The following ATXN1 variants were observed in gnomAD, a reference collection of about 807,000 sequenced individuals.
ATXN1 encodes ataxin-1.
ATXN1 carries 8 observed loss-of-function variants against 56.4 expected under a neutral mutation model. The observed-to-expected ratio is 0.14, with a 90% CI of 0.08 to 0.26. The LOEUF (loss-of-function observed/expected upper bound fraction) is 0.26. Among genes scored for constraint, ATXN1 ranks in the 10% least tolerant of loss-of-function variants. ATXN1 has a pLI of 1.00. For missense variants in ATXN1, 987 were observed against 1,106.5 expected, an observed-to-expected ratio of 0.89 and a Z score of 1.53; for synonymous variants, 514 against 494.6, an observed-to-expected ratio of 1.04 and a Z score of -0.52.
intron 6 of ATXN1, among the ~76,000 whole-genome samples, chr6:16,349,730 C>A (rs1315660950): frequency 6.6e-6 from 1 of 151,992 alleles, no homozygotes; most frequent in Non-Finnish European, 1.5e-5. Flanking sequence ...ATACTCCACA[C>A]TAGTGCACTG....
intron 6 of ATXN1, among the ~76,000 whole-genome samples, chr6:16,411,125 C>CAAAAAAAAAAAAAAAAAAAAA (rs746717153): frequency 1.2e-5 from 1 of 80,664 alleles, no homozygotes; most frequent in Non-Finnish European, 2.4e-5. Flanking sequence ...ACCTCTGTGT[C>CAAAAAAAAAAAAAAAAAAAAA]AAAAAAAAAA....
intron 3 of ATXN1, among the ~76,000 whole-genome samples, chr6:16,601,162 T>C (rs1311103287): frequency 2.0e-5 from 3 of 152,350 alleles, no homozygotes; most frequent in East Asian, 3.9e-4. Context: ...AGTTATTTCA[T>C]AGGTAACTTT....
intron 2 of ATXN1, among the ~76,000 whole-genome samples, chr6:16,706,899 T>TA (rs1425796424): frequency 6.6e-6 from 1 of 152,160 alleles, no homozygotes; most frequent in East Asian, 1.9e-4. Context: ...CTCTTCACTT[T>TA]ATCACCTCCC....
At chr6:16,497,986 A>G (rs562597002) in intron 5 of ATXN1, among the ~76,000 whole-genome samples, 1 of 152,328 alleles carries the variant, frequency 6.6e-6, no homozygotes, top group South Asian at 2.1e-4. Context: ...TTTTTTAATG[A>G]AGATAAAATT....
At chr6:16,586,312 CTCTT>C (rs1205225682) in intron 3 of ATXN1, among the ~76,000 whole-genome samples, 1 of 152,220 alleles carries the variant, frequency 6.6e-6, no homozygotes, top group African/African-American at 2.4e-5. Context: ...ATTTGATGCT[CTCTT>C]TCTCTAAGAC....
chr6:16,518,883 A>G (rs977583895), intron 5 of ATXN1, among the ~76,000 whole-genome samples: 11 of 152,216 alleles, frequency 7.2e-5, no homozygotes, highest in African/African-American at 2.7e-4. Flanking sequence ...TGCTATGGTC[A>G]GTAGCCAGAA....
chr6:16,728,653 G>A (rs1007871191), intron 2 of ATXN1, among the ~76,000 whole-genome samples: 6 of 152,166 alleles, frequency 3.9e-5, no homozygotes, highest in East Asian at 3.8e-4. Context: ...GGGGTATTAC[G>A]TATATTGATT....
intron 2 of ATXN1, among the ~76,000 whole-genome samples, chr6:16,720,540 T>C (rs1186717146): frequency 2.0e-5 from 3 of 152,230 alleles, no homozygotes; most frequent in Admixed American, 6.5e-5. Context: ...CCTGACTTGA[T>C]TAGCACCATC....
chr6:16,686,988 T>C (rs529065733), intron 2 of ATXN1, among the ~76,000 whole-genome samples: 1 of 152,176 alleles, frequency 6.6e-6, no homozygotes, highest in African/African-American at 2.4e-5. Context: ...AAGCCTTGGA[T>C]GGAATTACAA....
chr6:16,602,051 C>T (rs1056047066), intron 3 of ATXN1, among the ~76,000 whole-genome samples: 34 of 152,010 alleles, frequency 2.2e-4, no homozygotes, highest in African/African-American at 6.8e-4. Context: ...TAATATTGCC[C>T]CCATATAAGC....
chr6:16,596,795 A>T (rs1055895004), intron 3 of ATXN1, among the ~76,000 whole-genome samples: 27 of 152,214 alleles, frequency 1.8e-4, no homozygotes, highest in African/African-American at 6.0e-4. Context: ...AGATGGGTAG[A>T]AGGAGAAATC....
chr6:16,656,816 T>C (rs890659738), intron 3 of ATXN1, among the ~76,000 whole-genome samples: 5 of 152,102 alleles, frequency 3.3e-5, no homozygotes, highest in Non-Finnish European at 7.4e-5. Flanking sequence ...TACACCCTAC[T>C]ACACGCCTGC....
chr6:16,668,512 G>A (rs970528277), intron 2 of ATXN1, among the ~76,000 whole-genome samples: 1 of 152,072 alleles, frequency 6.6e-6, no homozygotes, highest in African/African-American at 2.4e-5. Context: ...TATTATTAAA[G>A]AGAACAGGAG....
chr6:16,462,369 T>C (rs549738979), intron 6 of ATXN1, among the ~76,000 whole-genome samples: 57 of 152,294 alleles, frequency 3.7e-4, no homozygotes, highest in African/African-American at 1.1e-3. Context: ...GATTTGTGTC[T>C]CCTATTTCAG....
At chr6:16,631,044 GATA>G (rs1415120667) in intron 3 of ATXN1, among the ~76,000 whole-genome samples, 1 of 152,184 alleles carries the variant, frequency 6.6e-6, no homozygotes. Context: ...GCTCTTTGTT[GATA>G]ATAATAATAA....
At chr6:16,743,129 G>A (rs1760399746) in intron 2 of ATXN1, among the ~76,000 whole-genome samples, 1 of 152,146 alleles carries the variant, frequency 6.6e-6, no homozygotes, top group South Asian at 2.1e-4. Context: ...TTTTCAATGA[G>A]GAGGAAGACA....
intron 1 of ATXN1, among the ~76,000 whole-genome samples, chr6:16,756,416 G>C (rs1027058490): frequency 6.6e-6 from 1 of 152,068 alleles, no homozygotes; most frequent in African/African-American, 2.4e-5. Flanking sequence ...CTTAGAAAAG[G>C]AAGTTCTATA....
At chr6:16,420,721 G>A (rs1759014318) in intron 6 of ATXN1, among the ~76,000 whole-genome samples, 1 of 152,166 alleles carries the variant, frequency 6.6e-6, no homozygotes, top group Non-Finnish European at 1.5e-5. Flanking sequence ...GAAGCTGGGA[G>A]ATGGCTTTAT....
At chr6:16,525,838 A>G (rs1487675358) in intron 4 of ATXN1, among the ~76,000 whole-genome samples, 2 of 151,828 alleles carry the variant, frequency 1.3e-5, no homozygotes, top group Non-Finnish European at 2.9e-5. Flanking sequence ...AGGACTATGC[A>G]GTCAAAAAAA....
Sources: gnomAD v4.1 joint callset for allele counts (sites outside exome capture counted in the v4.1 genomes callset) on GRCh38, gnomAD v4.1.1 for gene constraint, MANE v1.5 for transcripts, NCBI Gene and HGNC (gene_info 2026-07-23, HGNC 2026-07-21) for gene names.